Variants in BRCA2 observed in about 807,000 individuals in gnomAD.
BRCA2 encodes breast cancer type 2 susceptibility protein.
A neutral mutation model predicts 276.7 loss-of-function variants in BRCA2; 203 were observed. That is an observed-to-expected ratio of 0.73 (90% CI 0.65 to 0.82). The LOEUF (loss-of-function observed/expected upper bound fraction) is 0.82, where lower values mean the gene tolerates loss of function less well. BRCA2 is among the 40% of genes least tolerant of loss of function. BRCA2 has a pLI of 0.00. For missense variants in BRCA2, 3,920 were observed against 3,915.0 expected (o/e 1.00, Z -0.03); for synonymous variants, 1,289 against 1,338.4 (o/e 0.96, Z 0.81).
chr13:32,395,956 CTTTCTTTTTTTT>C (rs2073033276), intron 25 of BRCA2: 1 of 96,358 alleles, frequency 1.0e-5, no homozygotes, highest in Non-Finnish European at 1.9e-5. Context: ...TTTTTTCTTT[CTTTCTTTTTTTT>C]TTTTTTTTTT....
intron 18 of BRCA2, among the ~76,000 whole-genome samples, chr13:32,367,214 C>A (rs2072789111): frequency 6.6e-6 from 1 of 152,122 alleles, no homozygotes; most frequent in Non-Finnish European, 1.5e-5. Context: ...GCAGGCAGAT[C>A]ACTTGGGGTC....
intron 13 of BRCA2, 34 bp from the exon 14 acceptor site, chr13:32,354,827 G>A (rs1410346222): frequency 3.6e-6 from 5 of 1,372,994 alleles, no homozygotes; most frequent in East Asian, 2.3e-5. Flanking sequence ...ATGTGTACTA[G>A]TCAATAAACT....
At position 32,379,464 on chromosome 13, in the gene BRCA2, AC is replaced by A. The variant is rs80359730; in HGVS notation, c.8904del (p.Val2969CysfsTer7). ...ACAAGGTTTATCAAGGGATGTCACA[AC>A]CGTGTGGAAGTTGCGTATTGTAAGC... Reference protein sequence around the residue: ...KEQGLSRDVTTVWKLRIVSYS... With the variant: ...KEQGLSRDVTXVWKLRIVSYS... On this transcript the variant is annotated frameshift_variant, in exon 22 of 27. Coordinates refer to ENST00000380152, the MANE Select transcript of BRCA2 (RefSeq NM_000059.4). LOFTEE classifies it high-confidence loss of function. The A allele has an allele frequency of 1.5e-5, 24 of 1,613,354 alleles. No individual in the cohort carries two copies. Among genetic ancestry groups the A allele is most frequent in the Non-Finnish European group, 1.9e-5 (23 of 1,179,840 alleles).
intron 25 of BRCA2, 199 bp from the exon 26 acceptor site, chr13:32,396,699 T>G (rs2073038863): frequency 8.1e-6 from 5 of 620,930 alleles, no homozygotes; most frequent in African/African-American, 1.8e-5. Flanking sequence ...CCCCTCTCCC[T>G]ATCAGCTAGA....
At chr13:32,330,201 C>A (rs1336170329) in intron 8 of BRCA2, among the ~76,000 whole-genome samples, 2 of 152,170 alleles carry the variant, frequency 1.3e-5, no homozygotes, top group African/African-American at 4.8e-5. Context: ...ATCAAAACAA[C>A]CTGTTCATGT....
chr13:32,322,118 C>G (rs1330176611), intron 3 of BRCA2, among the ~76,000 whole-genome samples: 1 of 152,152 alleles, frequency 6.6e-6, no homozygotes. Flanking sequence ...TTTTGCTGCC[C>G]TAAAAATCTC....
At chr13:32,397,073 A>T (rs778021740) in intron 26 of BRCA2, 29 bp downstream of exon 26, 1 of 1,603,482 alleles carries the variant, frequency 6.2e-7, no homozygotes, top group Admixed American at 1.7e-5. Flanking sequence ...AAGGAATATT[A>T]TAAGAAGTAT....
intron 15 of BRCA2, among the ~76,000 whole-genome samples, chr13:32,357,138 A>T (rs1368783359): frequency 6.6e-6 from 1 of 152,206 alleles, no homozygotes; most frequent in African/African-American, 2.4e-5. Flanking sequence ...GTCACCTTGA[A>T]AGAAAGGCAC....
rs80359204 is a variant in BRCA2 at position 32,394,741 on chromosome 13, A to G, written c.9309A>G (p.Ile3103Met). The stretch of plus-strand genomic sequence containing the variant: ...ACGAATGTTACAATTTACTGGCAAT[A>G]AAGTTTTGGATAGACCTTAATGAGG... ...LSDECYNLLA[I>M]KFWIDLNEDI... The change falls in exon 25 of 27, where the codon ATA becomes ATG. Residue 3103 changes from isoleucine to methionine, a missense_variant. Physicochemically the swap from Ile to Met is conservative, Grantham distance 10. Transcript: ENST00000380152. 2 of 1,614,002 alleles carry G rather than the reference A, an allele frequency of 1.2e-6. No homozygotes were observed. The highest frequency in any genetic ancestry group is 4.5e-5 in the East Asian group (2 of 44,872).
chr13:32,383,952 A>T (rs1050346145), intron 24 of BRCA2, among the ~76,000 whole-genome samples: 1 of 152,212 alleles, frequency 6.6e-6, no homozygotes, highest in African/African-American at 2.4e-5. Context: ...GGAACTTGGG[A>T]GCAACAGAGT....
chr13:32,365,206 T>G (rs938514606), intron 18 of BRCA2, among the ~76,000 whole-genome samples: 6 of 146,638 alleles, frequency 4.1e-5, no homozygotes, highest in African/African-American at 1.5e-4. Flanking sequence ...CTCCCTGTGT[T>G]GCCTAGGCTG....
intron 16 of BRCA2, among the ~76,000 whole-genome samples, chr13:32,358,860 G>C (rs1282778179): frequency 6.6e-6 from 1 of 151,988 alleles, no homozygotes; most frequent in Non-Finnish European, 1.5e-5. Context: ...TTTGAGCCCA[G>C]TAGGTGGAGG....
rs1045083206 is a variant in BRCA2 at position 32,377,980 on chromosome 13, T to C, written c.8754+1189T>C. On this transcript the variant is annotated intron_variant, in intron 21 of 26. Coordinates refer to ENST00000380152, the MANE Select transcript of BRCA2 (RefSeq NM_000059.4). ...CCCTCCTGTTCCGAAATGTTACAAT[T>C]TGGGTTCTCCCTGTGAGAAGTGAGT... Among the ~76,000 whole-genome samples the C allele has an allele frequency of 7.9e-5, 12 of 152,292 alleles. No individual in the cohort carries two copies. The East Asian group carries it at 2.1e-3, about 27-fold the overall frequency.
chr13:32,363,356 T>C lies in BRCA2; in HGVS notation c.8154T>C (p.Ile2718=), dbSNP rs148880015. Residue 2718 remains isoleucine, a synonymous_variant, in exon 18 of 27, where the codon ATT becomes ATC. Coordinates refer to ENST00000380152, the MANE Select transcript of BRCA2 (RefSeq NM_000059.4). Reference sequence around the variant, plus strand: ...GTGCAGATACCCAAAAAGTGGCCATTATTGAACTTACAGATGGGTGGTATG... The same window carrying C: ...GTGCAGATACCCAAAAAGTGGCCATCATTGAACTTACAGATGGGTGGTATG... ...TSSADTQKVA[I]IELTDGWYAV... The C allele has an allele frequency of 2.9e-5, 47 of 1,614,030 alleles. No homozygotes were observed. In the African/African-American group the frequency reaches 5.1e-4, roughly 17 times the overall value.
At chr13:32,331,332 G>T (rs888323859) in intron 9 of BRCA2, among the ~76,000 whole-genome samples, 1 of 152,126 alleles carries the variant, frequency 6.6e-6, no homozygotes, top group African/African-American at 2.4e-5. Context: ...ACCATTGAAG[G>T]ATTGCTCCTC....
intron 18 of BRCA2, among the ~76,000 whole-genome samples, chr13:32,366,371 G>A (rs958891543): frequency 6.6e-6 from 1 of 152,090 alleles, no homozygotes; most frequent in African/African-American, 2.4e-5. Context: ...ACTCTTTTAC[G>A]TATATTTGTT....
chr13:32,332,129 A>G (rs868491774), intron 9 of BRCA2, 143 bp from the exon 10 acceptor site: 1 of 784,664 alleles, frequency 1.3e-6, no homozygotes, highest in Non-Finnish European at 1.9e-6. Flanking sequence ...TAAAATGCCA[A>G]GTACTCAGAA....
chr13:32,379,828 T>C lies in BRCA2; in HGVS notation c.9032T>C (p.Leu3011Pro), dbSNP rs80359155. ...TEGKRYRIYH[L>P]ATSKSKSKSE... is the part of the protein sequence containing the mutation. ...GGAAAGAGATACAGAATTTATCATC[T>C]TGCAACTTCAAAATCTAAAAGTAAA... The change falls in exon 23 of 27, where the codon CTT becomes CCT. Residue 3011 changes from leucine (L) to proline (P), a missense_variant. Leu to Pro is a moderately conservative substitution (Grantham distance 98). This residue lies in a region of BRCA2 where 657 missense variants were observed against 758.2 expected (regional missense o/e 0.87). Transcript: ENST00000380152. 4 of 1,613,152 alleles carry C rather than the reference T, an allele frequency of 2.5e-6. No homozygotes were observed. The highest frequency in any genetic ancestry group is 3.4e-6 in the Non-Finnish European group (4 of 1,179,282).
chr13:32,368,776 G>A (rs1314210528), intron 18 of BRCA2, among the ~76,000 whole-genome samples: 2 of 148,780 alleles, frequency 1.3e-5, no homozygotes, highest in Non-Finnish European at 3.0e-5. Context: ...TTTGTTGTTT[G>A]TTGTTTGTTT....
Sources: gnomAD v4.1 joint callset for allele counts (sites outside exome capture counted in the v4.1 genomes callset) on GRCh38, gnomAD v4.1.1 for gene constraint, gnomAD v4.1.1 regional missense constraint, MANE v1.5 for transcripts, NCBI Gene and HGNC (gene_info 2026-07-23, HGNC 2026-07-21) for gene names.